The following DPP6 variants were observed in gnomAD, a reference collection of about 807,000 sequenced individuals.
The protein encoded by DPP6 is A-type potassium channel modulatory protein DPP6.
DPP6 carries 69 observed loss-of-function variants against 122.6 expected under a neutral mutation model. The observed-to-expected ratio is 0.56, with a 90% confidence interval of 0.46 to 0.69. DPP6 has a LOEUF of 0.69. Among genes scored for constraint, DPP6 ranks in the 30% least tolerant of loss-of-function variants. DPP6 has a pLI of 0.00. For missense variants in DPP6, 928 were observed against 1,116.9 expected, an observed-to-expected ratio of 0.83 and a Z score of 2.41; for synonymous variants, 418 against 433.1, an observed-to-expected ratio of 0.97 and a Z score of 0.43.
At chr7:154,844,179 G>A in intron 16 of DPP6, among the ~76,000 whole-genome samples, 1 of 152,218 alleles carries the variant, frequency 6.6e-6, no homozygotes, top group East Asian at 1.9e-4. Context: ...CCTATTGTAT[G>A]AAACAAATCA....
chr7:154,600,944 T>A (rs1202979984), intron 5 of DPP6, among the ~76,000 whole-genome samples: 3 of 117,350 alleles, frequency 2.6e-5, no homozygotes, highest in Admixed American at 9.6e-5. Flanking sequence ...ATACAAAATT[T>A]GCCAGGCGTG....
the DPP6 span, among the ~76,000 whole-genome samples, chr7:153,808,162 T>C: frequency 3.3e-5 from 5 of 152,140 alleles, no homozygotes; most frequent in Non-Finnish European, 7.3e-5. Flanking sequence ...CTAAGGGACA[T>C]ACCCATCCTA....
At chr7:154,748,588 G>A (rs1382784657) in intron 8 of DPP6, among the ~76,000 whole-genome samples, 3 of 152,238 alleles carry the variant, frequency 2.0e-5, no homozygotes, top group African/African-American at 4.8e-5. Flanking sequence ...GCGGGGCGGG[G>A]AGGGAGACCT....
At chr7:154,581,139 TC>T (rs1832039552) in intron 5 of DPP6, among the ~76,000 whole-genome samples, 1 of 152,088 alleles carries the variant, frequency 6.6e-6, no homozygotes, top group African/African-American at 2.4e-5. Flanking sequence ...GAAACCTGTG[TC>T]CGCTGAATTG....
intron 1 of DPP6, among the ~76,000 whole-genome samples, chr7:154,317,331 G>A (rs892737337): frequency 3.3e-5 from 5 of 152,106 alleles, no homozygotes; most frequent in African/African-American, 4.8e-5. Context: ...CAGCCTGGGC[G>A]ACAGAGCATG....
chr7:153,967,452 T>G lies in DPP6; in HGVS notation c.51+79718T>G, dbSNP rs1188607865. ...AGCCTGACAGGACAGCAGCTTGCAG[T>G]GCAGTAGTTACAACAACTCCGTAGA... On this transcript the variant is annotated intron_variant, in intron 1 of 25. Coordinates refer to the DPP6 transcript ENST00000404039. 2.0e-5 allele frequency among the ~76,000 whole-genome samples: 3 copies of G among 152,276 alleles called. No homozygotes were observed. The South Asian group carries it at 6.2e-4, about 32-fold the overall frequency.
chr7:154,778,364 C>T (rs909103550), intron 10 of DPP6, among the ~76,000 whole-genome samples: 6 of 152,112 alleles, frequency 3.9e-5, no homozygotes. Context: ...ATGGCCTTCT[C>T]TGCCTCCAGG....
intron 2 of DPP6, among the ~76,000 whole-genome samples, chr7:154,470,685 C>G (rs1369646982): frequency 6.6e-6 from 1 of 152,108 alleles, no homozygotes; most frequent in Non-Finnish European, 1.5e-5. Flanking sequence ...TTTCAGCATG[C>G]CTTTACATGC....
chr7:153,815,387 C>T, the DPP6 span, among the ~76,000 whole-genome samples: 181 of 152,146 alleles, frequency 1.2e-3, 2 homozygotes, highest in Middle Eastern at 3.4e-3. Context: ...TATTAGTATA[C>T]TTTAAGTTTT....
chr7:153,805,364 G>A, the DPP6 span, among the ~76,000 whole-genome samples: 1 of 152,176 alleles, frequency 6.6e-6, no homozygotes. Flanking sequence ...AATAGCAGTT[G>A]TTGTTGTTGG....
chr7:154,819,266 T>C (rs1450851831), intron 16 of DPP6, among the ~76,000 whole-genome samples: 2 of 152,076 alleles, frequency 1.3e-5, no homozygotes, highest in African/African-American at 4.8e-5. Context: ...AATACAAAAA[T>C]TAGCTGGACG....
chr7:154,270,612 T>A (rs994256332), intron 1 of DPP6, among the ~76,000 whole-genome samples: 2 of 152,062 alleles, frequency 1.3e-5, no homozygotes, highest in Non-Finnish European at 2.9e-5. Flanking sequence ...CCTTTCCTAA[T>A]AAAGGAAGTA....
At chr7:154,174,461 G>T (rs1436980483) in intron 1 of DPP6, among the ~76,000 whole-genome samples, 1 of 152,188 alleles carries the variant, frequency 6.6e-6, no homozygotes, top group African/African-American at 2.4e-5. Flanking sequence ...TTTTTATGCT[G>T]GAAATACCTC....
chr7:153,809,479 G>T, the DPP6 span, among the ~76,000 whole-genome samples: 57,532 of 151,322 alleles, frequency 0.38, 11,177 homozygotes, highest in South Asian at 0.48. Context: ...ATGTTTTCCC[G>T]CAAGCAGTTC....
At chr7:154,692,562 G>A (rs907692321) in intron 7 of DPP6, among the ~76,000 whole-genome samples, 4 of 152,078 alleles carry the variant, frequency 2.6e-5, no homozygotes, top group African/African-American at 9.7e-5. Flanking sequence ...TTTGATTAAT[G>A]TTGGGGTCAA....
the DPP6 span, among the ~76,000 whole-genome samples, chr7:153,759,867 A>G: frequency 3.4e-3 from 523 of 151,752 alleles, 2 homozygotes; most frequent in African/African-American, 0.012. Flanking sequence ...TGGGGGCACT[A>G]TTTCTGCAAA....
At chr7:154,511,174 C>G (rs1269659805) in intron 3 of DPP6, among the ~76,000 whole-genome samples, 1 of 152,074 alleles carries the variant, frequency 6.6e-6, no homozygotes, top group Admixed American at 6.6e-5. Flanking sequence ...GGGAGATTCA[C>G]CTCAATCTAA....
the DPP6 span, among the ~76,000 whole-genome samples, chr7:153,854,499 AC>A: frequency 1.4e-5 from 2 of 147,014 alleles, no homozygotes; most frequent in Non-Finnish European, 3.0e-5. Context: ...GCTCATCATC[AC>A]TGGCCATCAG....
At chr7:154,460,524 T>C (rs1821206221) in intron 2 of DPP6, among the ~76,000 whole-genome samples, 1 of 152,210 alleles carries the variant, frequency 6.6e-6, no homozygotes, top group South Asian at 2.1e-4. Context: ...TGTCACTAGA[T>C]AATATGGGAA....
Sources: gnomAD v4.1 joint callset for allele counts (sites outside exome capture counted in the v4.1 genomes callset) on GRCh38, gnomAD v4.1.1 for gene constraint, MANE v1.5 for transcripts, NCBI Gene and HGNC (gene_info 2026-07-23, HGNC 2026-07-21) for gene names.